PTPRT: variants seen among roughly 807,000 people sequenced by gnomAD.
PTPRT encodes the protein receptor-type tyrosine-protein phosphatase T.
Under a neutral mutation model 176.8 loss-of-function variants are expected in PTPRT, and 56 were observed. The observed-to-expected ratio is 0.32, with a 90% CI of 0.26 to 0.40. PTPRT has a LOEUF of 0.40. PTPRT is among the 10% of genes least tolerant of loss of function. The probability of loss-of-function intolerance (pLI) is 1.00; values close to 1 mark genes in which losing one functional copy is unlikely to be tolerated. For missense variants in PTPRT, 1,540 were observed against 1,908.2 expected, an observed-to-expected ratio of 0.81 and a Z score of 3.60; for synonymous variants, 783 against 739.0, an observed-to-expected ratio of 1.06 and a Z score of -0.96.
chr20:42,676,715 G>A (rs1037744785), intron 7 of PTPRT, among the ~76,000 whole-genome samples: 1 of 152,144 alleles, frequency 6.6e-6, no homozygotes, highest in South Asian at 2.1e-4. Flanking sequence ...TAAAATGTAA[G>A]TACTTACAGC....
chr20:42,483,726 C>G (rs1179262315), intron 7 of PTPRT, among the ~76,000 whole-genome samples: 1 of 152,246 alleles, frequency 6.6e-6, no homozygotes, highest in African/African-American at 2.4e-5. Flanking sequence ...CTCGGGCCCA[C>G]AGTAAGCACA....
chr20:42,461,719 G>A lies in PTPRT; in HGVS notation c.1450+10547C>T, dbSNP rs62203548. ...TAATGACTATTGGATTTGGTGACTT[G>A]AAGGTCATAGGTGATCTTGAAATAA... On this transcript the variant is annotated intron_variant, in intron 8 of 30. Transcript: ENST00000373187. Among the ~76,000 whole-genome samples the A allele has an allele frequency of 8.7e-3, 1,328 of 152,312 alleles. 11 individuals carry two copies. The highest frequency in any genetic ancestry group is 0.014 in the Middle Eastern group (4 of 294).
At chr20:42,338,329 G>A (rs2058068117) in intron 11 of PTPRT, among the ~76,000 whole-genome samples, 2 of 152,144 alleles carry the variant, frequency 1.3e-5, no homozygotes, top group South Asian at 4.1e-4. Context: ...TAGAGAGATG[G>A]TGCCAGTTGC....
At chr20:42,604,424 G>T (rs1431214904) in intron 7 of PTPRT, among the ~76,000 whole-genome samples, 1 of 152,202 alleles carries the variant, frequency 6.6e-6, no homozygotes, top group African/African-American at 2.4e-5. Context: ...ATCCCCAGGA[G>T]CTCATGAATA....
chr20:42,621,338 T>A (rs545428592), intron 7 of PTPRT, among the ~76,000 whole-genome samples: 2 of 152,256 alleles, frequency 1.3e-5, no homozygotes, highest in Non-Finnish European at 2.9e-5. Context: ...ATCTTTTCCC[T>A]CAAGAACACC....
intron 1 of PTPRT, among the ~76,000 whole-genome samples, chr20:43,033,544 G>A (rs1986234936): frequency 6.6e-6 from 1 of 152,124 alleles, no homozygotes; most frequent in Non-Finnish European, 1.5e-5. Flanking sequence ...CTCCTTCCTG[G>A]TTTCTCATAA....
intron 8 of PTPRT, among the ~76,000 whole-genome samples, chr20:42,460,354 C>T (rs2070997292): frequency 6.6e-6 from 1 of 152,138 alleles, no homozygotes; most frequent in Admixed American, 6.6e-5. Flanking sequence ...ACTGCCGCAC[C>T]CATTTGTTTA....
chr20:42,453,444 C>A (rs1157854417), intron 8 of PTPRT, among the ~76,000 whole-genome samples: 1 of 151,464 alleles, frequency 6.6e-6, no homozygotes, highest in Non-Finnish European at 1.5e-5. Context: ...TAGTGTTTTG[C>A]AATATATTAA....
At chr20:42,112,485 C>T (rs946986477) in intron 22 of PTPRT, among the ~76,000 whole-genome samples, 1 of 152,178 alleles carries the variant, frequency 6.6e-6, no homozygotes, top group African/African-American at 2.4e-5. Context: ...GTACGTGGGA[C>T]TTTCAGTGCT....
At chr20:42,672,729 T>C (rs2075434877) in intron 7 of PTPRT, among the ~76,000 whole-genome samples, 1 of 152,112 alleles carries the variant, frequency 6.6e-6, no homozygotes, top group Non-Finnish European at 1.5e-5. Flanking sequence ...AAGGAGGAGG[T>C]ATCCTTTGGG....
At chr20:42,216,036 C>T (rs182409201) in intron 15 of PTPRT, among the ~76,000 whole-genome samples, 1 of 152,342 alleles carries the variant, frequency 6.6e-6, no homozygotes, top group African/African-American at 2.4e-5. Flanking sequence ...TCCCAAGCAA[C>T]CGCTTCCAAG....
At chr20:42,498,055 G>A (rs2071685884) in intron 7 of PTPRT, among the ~76,000 whole-genome samples, 1 of 152,064 alleles carries the variant, frequency 6.6e-6, no homozygotes, top group Non-Finnish European at 1.5e-5. Flanking sequence ...GTGGTACTTT[G>A]TATGGGTATC....
chr20:42,919,021 G>A lies in PTPRT; in HGVS notation c.89-33089C>T, dbSNP rs114976456. On this transcript the variant is annotated intron_variant, in intron 1 of 30. Coordinates refer to ENST00000373187, the MANE Select transcript of PTPRT (RefSeq NM_007050.6). ...AGCAAAGGACATCAGCTTCTCCCAC[G>A]TCTCAGGGACTAAGGGCCAACACCA... Among the ~76,000 whole-genome samples, 695 of 152,242 alleles carry A rather than the reference G, an allele frequency of 4.6e-3. 5 individuals are homozygous for A. Among genetic ancestry groups the A allele is most frequent in the African/African-American group, 0.016 (659 of 41,542 alleles).
In PTPRT at chr20:42,617,760, G is replaced by T. The variant is rs1162454809; in HGVS notation, c.1153+60106C>A. 3.6e-5 allele frequency among the ~76,000 whole-genome samples: 5 copies of T among 139,204 alleles called. 2 individuals are homozygous for T. The highest frequency in any genetic ancestry group is 1.2e-4 in the African/African-American group (4 of 32,304). 91.3% of individuals were successfully genotyped at this position (139,204 alleles called of 152,430 possible). A position where few individuals can be genotyped will look rare whatever the true frequency, so the allele number is the denominator to read the frequency against. On this transcript the variant is annotated intron_variant, in intron 7 of 30. Transcript: ENST00000373187. ...TTGTAGTACTCTCTGATAGTAGTTT[G>T]TATTTCTGTGGGATTGGTGGTGATA...
chr20:42,760,338 G>A (rs1365864897), intron 5 of PTPRT, among the ~76,000 whole-genome samples: 2 of 149,108 alleles, frequency 1.3e-5, no homozygotes, highest in Non-Finnish European at 3.0e-5. Context: ...AATCCAATGA[G>A]CTACTGCCTT....
chr20:42,481,711 C>T (rs993891368), intron 7 of PTPRT, among the ~76,000 whole-genome samples: 8 of 151,346 alleles, frequency 5.3e-5, no homozygotes, highest in African/African-American at 2.4e-5. Context: ...GATCCTCCTG[C>T]CTCAGCCTGG....
intron 13 of PTPRT, among the ~76,000 whole-genome samples, chr20:42,267,280 A>C (rs1038287584): frequency 6.6e-6 from 1 of 152,236 alleles, no homozygotes; most frequent in African/African-American, 2.4e-5. Context: ...AGCATGGCAC[A>C]TTTAAAGTAG....
the PTPRT span, among the ~76,000 whole-genome samples, chr20:42,054,923 C>A: frequency 6.6e-6 from 1 of 152,092 alleles, no homozygotes; most frequent in African/African-American, 2.4e-5. Flanking sequence ...CTCCTCTGAC[C>A]CCCTACTGAG....
intron 1 of PTPRT, among the ~76,000 whole-genome samples, chr20:42,912,350 C>T (rs539123014): frequency 6.6e-6 from 1 of 152,252 alleles, no homozygotes; most frequent in South Asian, 2.1e-4. Context: ...GGCCATTTGG[C>T]ATTTCCTCAT....
Sources: gnomAD v4.1 joint callset for allele counts (sites outside exome capture counted in the v4.1 genomes callset) on GRCh38, gnomAD v4.1.1 for gene constraint, MANE v1.5 for transcripts, NCBI Gene and HGNC (gene_info 2026-07-23, HGNC 2026-07-21) for gene names.